Variants in NUP205 observed in about 807,000 individuals in gnomAD.
NUP205 encodes nucleoporin 205.
NUP205 carries 76 observed loss-of-function variants against 253.8 expected under a neutral mutation model. That is an observed-to-expected ratio of 0.30 (90% confidence interval 0.25 to 0.36). The LOEUF (loss-of-function observed/expected upper bound fraction) is 0.36. Among genes scored for constraint, NUP205 ranks in the 10% least tolerant of loss-of-function variants. NUP205 has a pLI of 1.00. For synonymous variants in NUP205, 832 were observed against 850.1 expected, an observed-to-expected ratio of 0.98 and a Z score of 0.37; for missense variants, 2,162 against 2,425.5, an observed-to-expected ratio of 0.89 and a Z score of 2.28.
chr7:135,571,472 C>G (rs1805997373), intron 2 of NUP205, among the ~76,000 whole-genome samples: 1 of 151,122 alleles, frequency 6.6e-6, no homozygotes, highest in Non-Finnish European at 1.5e-5. Flanking sequence ...GACTTCTGGC[C>G]TCAGTGATCC....
chr7:135,567,864 T>C (rs1805828954), intron 1 of NUP205, among the ~76,000 whole-genome samples: 2 of 152,302 alleles, frequency 1.3e-5, no homozygotes, highest in Admixed American at 1.3e-4. Context: ...ATGAGTACCT[T>C]ATCTGCTTAT....
intron 1 of NUP205, among the ~76,000 whole-genome samples, chr7:135,562,952 C>T (rs1186973390): frequency 6.6e-6 from 1 of 152,118 alleles, no homozygotes; most frequent in African/African-American, 2.4e-5. Flanking sequence ...ATGCCGCATT[C>T]CCTCTTGCCA....
rs567867287 is a variant in NUP205, at chr7:135,571,831, T to C, written c.171+584T>C. On this transcript the variant is annotated intron_variant, in intron 2 of 42. Coordinates refer to ENST00000285968, the MANE Select transcript of NUP205 (RefSeq NM_015135.3). ...ACTCTTAATGTACGTAACAAAAACATGTCACCTGTCTCACTCCAGTGATTC... is the reference window on the plus strand; with the variant it reads ...ACTCTTAATGTACGTAACAAAAACACGTCACCTGTCTCACTCCAGTGATTC... Among the ~76,000 whole-genome samples the C allele has an allele frequency of 2.8e-3, 426 of 152,304 alleles. 4 individuals are homozygous for C. The highest frequency in any genetic ancestry group is 2.4e-3 in the Non-Finnish European group (161 of 68,022).
Position 135,587,835 on chromosome 7 carries a change from T to A in NUP205, c.1336-20T>A. 1 of 1,601,990 alleles carries A rather than the reference T, an allele frequency of 6.2e-7. No individual in the cohort carries two copies. Among genetic ancestry groups the A allele is most frequent in the South Asian group, 1.1e-5 (1 of 88,862 alleles). ...TTCAGTCATAGACATTTCCCTACAG[T>A]CTTTGCTTACTCTTTGCAGATTGGC... is the stretch of plus-strand genomic sequence containing the variant. On this transcript the variant is annotated intron_variant, in intron 9 of 42. Transcript: ENST00000285968.
intron 11 of NUP205, among the ~76,000 whole-genome samples, chr7:135,592,038 A>T (rs1274142003): frequency 6.6e-6 from 1 of 152,210 alleles, no homozygotes; most frequent in Non-Finnish European, 1.5e-5. Context: ...ACACTGTAAA[A>T]GGGAAAAGAA....
chr7:135,643,397 C>G, intron 39 of NUP205, 39 bp downstream of exon 39: 2 of 1,571,780 alleles, frequency 1.3e-6, no homozygotes, highest in Non-Finnish European at 1.7e-6. Flanking sequence ...CTTGAGAAAT[C>G]ATTGCTGTTA....
rs6953435 is a variant in NUP205, at chr7:135,630,546, T to C, written c.5059+76T>C. On this transcript the variant is annotated intron_variant, in intron 35 of 42. Coordinates refer to ENST00000285968, the MANE Select transcript of NUP205 (RefSeq NM_015135.3). The stretch of plus-strand genomic sequence containing the variant: ...TAAATTAATAGAATGAGTTTTTTTG[T>C]TACTTTGCAGCTATATATGACTTAT... 609 of 1,383,272 alleles carry C rather than the reference T, an allele frequency of 4.4e-4. 2 individuals are homozygous for C. In the African/African-American group the frequency reaches 8.0e-3, roughly 18 times the overall value. 85.7% of individuals were successfully genotyped at this position (1,383,272 alleles called of 1,614,324 possible).
chr7:135,571,290 T>G, intron 2 of NUP205, 43 bp downstream of exon 2: 1 of 1,308,574 alleles, frequency 7.6e-7, no homozygotes, highest in Non-Finnish European at 1.0e-6. Context: ...TTTTTTTTTT[T>G]TTAAGATCGA....
rs149143496 is a variant in NUP205 at position 135,576,373 on chromosome 7, G to A, written c.447G>A (p.Leu149=). 3 of 1,613,896 alleles carry A rather than the reference G, an allele frequency of 1.9e-6. No homozygotes were observed. In the African/African-American group the frequency reaches 4.0e-5, roughly 22 times the overall value. ...KRCIANSLKA[L]IQSRRGKTWT... Reference sequence around the variant, plus strand: ...GCATTGCGAATTCCTTGAAAGCCTTGATACAGTCTAGACGGGGAAAGACAT... The same window carrying A: ...GCATTGCGAATTCCTTGAAAGCCTTAATACAGTCTAGACGGGGAAAGACAT... The change falls in exon 4 of 43, where the codon TTG becomes TTA. Residue 149 remains leucine, a synonymous_variant. Coordinates refer to ENST00000285968, the MANE Select transcript of NUP205 (RefSeq NM_015135.3).
In NUP205 at chr7:135,571,136, T is replaced by C; in HGVS notation, c.60T>C (p.Ile20=). ...AASLWGPYKD[I]WHKVGNALWR... is the part of the protein sequence containing the mutation. ...GTCTATGGGGTCCTTACAAAGACAT[T>C]TGGCATAAAGTGGGAAATGCTCTTT... is the stretch of plus-strand genomic sequence containing the variant. The change falls in exon 2 of 43, where the codon ATT becomes ATC. Residue 20 remains isoleucine (I), a synonymous_variant. Coordinates refer to ENST00000285968, the MANE Select transcript of NUP205 (RefSeq NM_015135.3). The C allele has an allele frequency of 1.3e-6, 2 of 1,551,234 alleles. No individual in the cohort carries two copies. Among genetic ancestry groups the C allele is most frequent in the Non-Finnish European group, 1.7e-6 (2 of 1,148,984 alleles).
At chr7:135,611,348 ATCT>A (rs952417924) in intron 22 of NUP205, among the ~76,000 whole-genome samples, 4 of 152,148 alleles carry the variant, frequency 2.6e-5, no homozygotes, top group African/African-American at 7.2e-5. Context: ...TTGTTAGAGT[ATCT>A]TCTTGTGTTT....
intron 38 of NUP205, among the ~76,000 whole-genome samples, chr7:135,642,254 CAAA>C (rs918248468): frequency 2.9e-5 from 3 of 103,650 alleles, no homozygotes; most frequent in African/African-American, 3.6e-5. Context: ...GACTCCATCT[CAAA>C]AAAAAAAAAA....
chr7:135,567,174 A>ATATG (rs1805802957), intron 1 of NUP205, among the ~76,000 whole-genome samples: 4 of 105,838 alleles, frequency 3.8e-5, no homozygotes, highest in Non-Finnish European at 7.8e-5. Flanking sequence ...ATATATATAT[A>ATATG]TATATATGTA....
chr7:135,638,143 C>T, intron 37 of NUP205, 84 bp downstream of exon 37: 1 of 1,440,010 alleles, frequency 6.9e-7, no homozygotes, highest in Non-Finnish European at 9.4e-7. Context: ...GGTGCGGTGG[C>T]TCACGCCTAT....
chr7:135,570,398 A>G (rs1805923733), intron 1 of NUP205, among the ~76,000 whole-genome samples: 1 of 151,450 alleles, frequency 6.6e-6, no homozygotes, highest in Admixed American at 6.6e-5. Flanking sequence ...TATTTTTAGT[A>G]GAGACGGGGT....
chr7:135,630,940 T>TTG (rs1188494060), intron 35 of NUP205, among the ~76,000 whole-genome samples: 2 of 151,592 alleles, frequency 1.3e-5, no homozygotes, highest in African/African-American at 2.4e-5. Context: ...TTGTTTTGTT[T>TTG]TTTTTTTTTA....
At chr7:135,607,487 C>A in intron 22 of NUP205, 116 bp downstream of exon 22, 5 of 1,115,036 alleles carry the variant, frequency 4.5e-6, no homozygotes, top group Non-Finnish European at 6.2e-6. Context: ...GTTCATTTAG[C>A]AATTTGACCT....
chr7:135,559,867 AT>A (rs1206670155), intron 1 of NUP205, among the ~76,000 whole-genome samples: 10 of 143,374 alleles, frequency 7.0e-5, no homozygotes, highest in African/African-American at 2.3e-4. Context: ...AGCCTGGCTA[AT>A]TTTTTTTTGA....
chr7:135,585,156 A>T (rs1386821824), intron 8 of NUP205, 149 bp downstream of exon 8: 1 of 596,694 alleles, frequency 1.7e-6, no homozygotes, highest in Non-Finnish European at 2.9e-6. Context: ...CTTGTGAATC[A>T]GTTTGTGACT....
Sources: allele counts gnomAD v4.1 joint callset (sites outside exome capture counted in the v4.1 genomes callset), GRCh38; gene constraint gnomAD v4.1.1; transcripts MANE v1.5; gene names NCBI Gene and HGNC (gene_info 2026-07-23, HGNC 2026-07-21).